The following PRRT1 variants were observed in gnomAD, a reference collection of about 807,000 sequenced individuals.
The protein encoded by PRRT1 is proline-rich transmembrane protein 1.
A neutral mutation model predicts 22.6 loss-of-function variants in PRRT1; 8 were observed. The observed-to-expected ratio is 0.35, with a 90% confidence interval of 0.21 to 0.64. PRRT1 has a LOEUF of 0.64. PRRT1 is among the 30% of genes least tolerant of loss of function. The probability of loss-of-function intolerance (pLI) is 0.69; values close to 1 mark genes in which losing one functional copy is unlikely to be tolerated. For synonymous variants in PRRT1, 176 were observed against 203.6 expected (o/e 0.86, Z 1.15); for missense variants, 315 against 444.5 (o/e 0.71, Z 2.62).
chr6:32,148,724 C>G lies in PRRT1; in HGVS notation c.*498G>C. 2.2e-6 allele frequency: 1 copy of G among 455,936 alleles called. No individual in the cohort carries two copies. The highest frequency in any genetic ancestry group is 1.6e-5 in the South Asian group (1 of 64,436). 28.2% of individuals were successfully genotyped at this position (455,936 alleles called of 1,614,324 possible). A position where few individuals can be genotyped will look rare whatever the true frequency, so the allele number is the denominator to read the frequency against. Reference sequence around the variant, plus strand: ...GTGTGGGGGCCTTACTACCCCAGGGCTCGGTCCTTTTGCCGGAAGAAAGGG... The same window carrying G: ...GTGTGGGGGCCTTACTACCCCAGGGGTCGGTCCTTTTGCCGGAAGAAAGGG... On this transcript the variant is annotated 3_prime_UTR_variant, in exon 4 of 4. Transcript: ENST00000211413. The surrounding 1 kb of genome is among the most constrained non-coding windows in gnomAD (Gnocchi z 5.7).
upstream of PRRT1, chr6:32,151,959 G>T (rs1783329636): frequency 1.3e-5 from 4 of 299,316 alleles, no homozygotes; most frequent in African/African-American, 3.3e-5. Flanking sequence ...GGCGGGGGGG[G>T]GGGGCGGGGG....
upstream of PRRT1, among the ~76,000 whole-genome samples, chr6:32,152,602 G>A (rs566966078): frequency 6.6e-6 from 1 of 152,192 alleles, no homozygotes; most frequent in South Asian, 2.1e-4. Context: ...CTCTTTTGGA[G>A]GGGGTAGGGG....
At chr6:32,152,088 C>T (rs947886525), upstream of PRRT1, 12 of 704,692 alleles carry the variant, frequency 1.7e-5, no homozygotes, top group Non-Finnish European at 3.2e-5. Context: ...CTCTCTCCTC[C>T]TCTTACCCCG....
In PRRT1 at chr6:32,150,124, C is replaced by T. The variant is rs73729032; in HGVS notation, c.558+244G>A. ...CAGGCGGTTTCCTACTTTCAGACCT[C>T]CTCTGAACCTCTAGGCTCCGATCCC... On this transcript the variant is annotated intron_variant, in intron 2 of 3. Transcript: ENST00000211413. This position sits in a 1 kb window ranked among gnomAD's most constrained non-coding sequence, Gnocchi z 7.2. Among the ~76,000 whole-genome samples the T allele has an allele frequency of 0.01, 1,531 of 152,102 alleles. 23 individuals are homozygous for T. The highest frequency in any genetic ancestry group is 0.034 in the African/African-American group (1,428 of 41,454).
At chr6:32,151,512 C>T (rs1783275125) in intron 1 of PRRT1, 1 of 542,460 alleles carries the variant, frequency 1.8e-6, no homozygotes, top group Admixed American at 3.3e-5. Context: ...CAGTGATTGT[C>T]CATCTGTCAC....
rs2127375436 is a variant in PRRT1 at position 32,148,548 on chromosome 6, G to A, written c.*674C>T. On this transcript the variant is annotated 3_prime_UTR_variant, in exon 4 of 4. Coordinates refer to ENST00000211413, the MANE Select transcript of PRRT1 (RefSeq NM_030651.4). This position sits in a 1 kb window ranked among gnomAD's most constrained non-coding sequence, Gnocchi z 5.7. ...AGGGAGTATTTACAGAGCGTTTACA[G>A]GCAGGTTTCTTATCCCAGGGAGAAG... 1 of 332,566 alleles carries A rather than the reference G, an allele frequency of 3.0e-6. No homozygotes were observed. The highest frequency in any genetic ancestry group is 2.4e-5 in the South Asian group (1 of 41,540). The allele number at this position is 332,566 out of a possible 1,614,324, so 20.6% of individuals were successfully genotyped here. A position where few individuals can be genotyped will look rare whatever the true frequency, so the allele number is the denominator to read the frequency against.
chr6:32,151,861 C>T lies in PRRT1; in HGVS notation c.-34G>A. The T allele has an allele frequency of 6.2e-7, 1 of 1,606,536 alleles. No homozygotes were observed. Among genetic ancestry groups the T allele is most frequent in the Non-Finnish European group, 8.5e-7 (1 of 1,176,802 alleles). On this transcript the variant is annotated 5_prime_UTR_variant, in exon 1 of 4. Transcript: ENST00000211413. ...TCTCGCTGGGACAGGGTCCCTGCAG[C>T]CGGAGTGGGGGTCCTCGGCCGGTGC...
rs550233139 is a variant in PRRT1, at chr6:32,151,585, CT to C, written c.19+223del. 8.1e-4 allele frequency: 481 copies of C among 595,050 alleles called. 8 individuals are homozygous for C. In the South Asian group the frequency reaches 9.2e-3, roughly 11 times the overall value. The allele number at this position is 595,050 out of a possible 1,614,324, so 36.9% of individuals were successfully genotyped here. A position where few individuals can be genotyped will look rare whatever the true frequency, so the allele number is the denominator to read the frequency against. ...TCCTTCACCCTCTCAACCTACCCCCCTGACCATGTTGTTGGCAAGGGGCAGA... is the reference window on the plus strand; with the variant it reads ...TCCTTCACCCTCTCAACCTACCCCCCGACCATGTTGTTGGCAAGGGGCAGA... On this transcript the variant is annotated intron_variant, in intron 1 of 3. Coordinates refer to ENST00000211413, the MANE Select transcript of PRRT1 (RefSeq NM_030651.4).
At chr6:32,151,671 G>C in intron 1 of PRRT1, 138 bp downstream of exon 1, 1 of 637,658 alleles carries the variant, frequency 1.6e-6, no homozygotes, top group Non-Finnish European at 2.9e-6. Flanking sequence ...GAGGGGGACT[G>C]GGGGAGTGTT....
chr6:32,151,970 G>GGGGGGGGGGT, upstream of PRRT1: 1 of 292,802 alleles, frequency 3.4e-6, no homozygotes, highest in Non-Finnish European at 6.8e-6. Flanking sequence ...GGGGCGGGGG[G>GGGGGGGGGGT]GGCGGGCGGA....
In PRRT1 at chr6:32,149,499, GT is replaced by G; in HGVS notation, c.744+37del. On this transcript the variant is annotated intron_variant, in intron 3 of 3. Coordinates refer to ENST00000211413, the MANE Select transcript of PRRT1 (RefSeq NM_030651.4). The surrounding 1 kb of genome is among the most constrained non-coding windows in gnomAD (Gnocchi z 8.7). Reference sequence around the variant, plus strand: ...GTCCCCAGAACGCCCAGAACTCCCTGTCCCCGCCCCCAAACCGAGTATGCCC... The same window carrying G: ...GTCCCCAGAACGCCCAGAACTCCCTGCCCCGCCCCCAAACCGAGTATGCCC... 3 of 1,610,608 alleles carry G rather than the reference GT, an allele frequency of 1.9e-6. No individual in the cohort carries two copies. In the South Asian group the frequency reaches 3.3e-5, roughly 18 times the overall value.
At chr6:32,152,114 G>A (rs770137968), upstream of PRRT1, 2 of 699,500 alleles carry the variant, frequency 2.9e-6, no homozygotes, top group South Asian at 3.0e-5. Flanking sequence ...CAAGCCCCCA[G>A]TTTGGGTTCC....
In PRRT1 at chr6:32,151,910, C is replaced by G. The variant is rs1331777357; in HGVS notation, c.-83G>C. On this transcript the variant is annotated 5_prime_UTR_variant, in exon 1 of 4. Transcript: ENST00000211413. ...GCTGGAGTCTGGGTGCTGGATGGCGCAGCCGGCAGCAGCGCAGAGATGGAG... is the reference window on the plus strand; with the variant it reads ...GCTGGAGTCTGGGTGCTGGATGGCGGAGCCGGCAGCAGCGCAGAGATGGAG... The G allele has an allele frequency of 1.9e-6, 2 of 1,045,106 alleles. No homozygotes were observed. The highest frequency in any genetic ancestry group is 3.0e-6 in the Non-Finnish European group (2 of 677,886). 64.7% of individuals were successfully genotyped at this position (1,045,106 alleles called of 1,614,324 possible).
At chr6:32,151,948 C>T (rs1561803488), upstream of PRRT1, 1 of 166,572 alleles carries the variant, frequency 6.0e-6, no homozygotes, top group Non-Finnish European at 1.1e-5. Flanking sequence ...ATGAAGGCAG[C>T]GGCGGGGGGG....
At position 32,148,863 on chromosome 6, in the gene PRRT1, G is replaced by A. The variant is rs1424030263; in HGVS notation, c.*359C>T. Reference sequence around the variant, plus strand: ...CCTGCCGACCTGGAGGCGGGGTTTTGTCAGAGCTGGGGCGGTGCTTATAGA... The same window carrying A: ...CCTGCCGACCTGGAGGCGGGGTTTTATCAGAGCTGGGGCGGTGCTTATAGA... On this transcript the variant is annotated 3_prime_UTR_variant, in exon 4 of 4. Coordinates refer to ENST00000211413, the MANE Select transcript of PRRT1 (RefSeq NM_030651.4). The surrounding 1 kb of genome is among the most constrained non-coding windows in gnomAD (Gnocchi z 5.7). 2 of 566,248 alleles carry A rather than the reference G, an allele frequency of 3.5e-6. No individual in the cohort carries two copies. Among genetic ancestry groups the A allele is most frequent in the Admixed American group, 2.2e-5 (1 of 45,636 alleles). 35.1% of individuals were successfully genotyped at this position (566,248 alleles called of 1,614,324 possible).
Position 32,149,825 on chromosome 6 carries a change from T to C in PRRT1, c.559-103A>G. The C allele has an allele frequency of 2.9e-6, 2 of 697,500 alleles. No individual in the cohort carries two copies. The highest frequency in any genetic ancestry group is 4.7e-6 in the Non-Finnish European group (2 of 427,150). 43.2% of individuals were successfully genotyped at this position (697,500 alleles called of 1,614,324 possible). ...TGGCTTTAAAAGCACAATTTTTACC[T>C]ATGGCTTCTCAAAATAAAGCACCCA... On this transcript the variant is annotated intron_variant, in intron 2 of 3. Coordinates refer to ENST00000211413, the MANE Select transcript of PRRT1 (RefSeq NM_030651.4). The surrounding 1 kb of genome is among the most constrained non-coding windows in gnomAD (Gnocchi z 8.7).
upstream of PRRT1, chr6:32,151,988 C>CGGGGGG: frequency 1.4e-5 from 1 of 72,098 alleles, no homozygotes. Flanking sequence ...GGAGGGAGAG[C>CGGGGGG]GGGGAGGGGG....
chr6:32,151,096 C>T, intron 1 of PRRT1, 190 bp from the exon 2 acceptor site: 1 of 706,842 alleles, frequency 1.4e-6, no homozygotes, highest in Middle Eastern at 2.5e-4. Context: ...CCATCTGCCC[C>T]CCTCCTTCTT....
chr6:32,150,205 A>G lies in PRRT1; in HGVS notation c.558+163T>C, dbSNP rs1405543908. On this transcript the variant is annotated intron_variant, in intron 2 of 3. Transcript: ENST00000211413. This position sits in a 1 kb window ranked among gnomAD's most constrained non-coding sequence, Gnocchi z 7.2. ...GACTCCTACTCCCGTGTCTCTCCCT[A>G]GTCCTTCCTGTCTCAGGCTCCCTTC... Among the ~76,000 whole-genome samples the G allele has an allele frequency of 1.3e-5, 2 of 151,832 alleles. No homozygotes were observed. The highest frequency in any genetic ancestry group is 2.9e-5 in the Non-Finnish European group (2 of 67,952).
Sources: gnomAD v4.1 joint callset for allele counts (sites outside exome capture counted in the v4.1 genomes callset) on GRCh38, gnomAD v4.1.1 for gene constraint, Gnocchi (gnomAD v3.1) non-coding constraint, MANE v1.5 for transcripts, NCBI Gene and HGNC (gene_info 2026-07-23, HGNC 2026-07-21) for gene names.